Variants in NR1I2 observed in about 807,000 individuals in gnomAD.
NR1I2 encodes orphan nuclear receptor PAR1.
In NR1I2, 42 loss-of-function variants were observed where a neutral mutation model predicts 43.3. The ratio of observed to expected loss-of-function variants is 0.97; its 90% CI spans 0.76 to 1.26. NR1I2 has a LOEUF of 1.26. Among genes scored for constraint, NR1I2 ranks in the 50% most tolerant of loss-of-function variants. NR1I2 has a pLI of 0.00. For synonymous variants in NR1I2, 229 were observed against 215.0 expected (o/e 1.06, Z -0.57); for missense variants, 559 against 566.7 (o/e 0.99, Z 0.14).
intron 1 of NR1I2, among the ~76,000 whole-genome samples, chr3:119,799,278 TAATC>T (rs1359210615): frequency 1.3e-5 from 2 of 152,354 alleles, no homozygotes; most frequent in African/African-American, 2.4e-5. Flanking sequence ...CTTGCTCTAA[TAATC>T]AATATTCTTG....
chr3:119,809,382 C>G (rs1302069775), intron 2 of NR1I2, among the ~76,000 whole-genome samples: 3 of 152,044 alleles, frequency 2.0e-5, no homozygotes, highest in Non-Finnish European at 4.4e-5. Flanking sequence ...CCTGCACGCT[C>G]TGCTGTTCCA....
Position 119,817,893 on chromosome 3 carries a change from G to T in NR1I2, c.*681G>T. On this transcript the variant is annotated 3_prime_UTR_variant, in exon 9 of 9. Transcript: ENST00000393716. ...CACCGATAATAGGTAGCCTGCTGTG[G>T]GGTATACAGCATTGACTCAGATATA... 1 of 977,876 alleles carries T rather than the reference G, an allele frequency of 1.0e-6. No individual in the cohort carries two copies. The highest frequency in any genetic ancestry group is 1.2e-6 in the Non-Finnish European group (1 of 822,078). 60.6% of individuals were successfully genotyped at this position (977,876 alleles called of 1,614,324 possible).
rs376280736 is a variant in NR1I2, at chr3:119,817,280, G to C, written c.*68G>C. The stretch of plus-strand genomic sequence containing the variant: ...AGAGCCCTCTGAGCCGCCACTCCCG[G>C]GCCAAGACAGATGGACACTGCCAAG... On this transcript the variant is annotated 3_prime_UTR_variant, in exon 9 of 9. Transcript: ENST00000393716. 2 of 1,607,068 alleles carry C rather than the reference G, an allele frequency of 1.2e-6. No homozygotes were observed. The highest frequency in any genetic ancestry group is 2.2e-5 in the South Asian group (2 of 90,814).
At chr3:119,803,400 G>A (rs1251066783) in intron 1 of NR1I2, among the ~76,000 whole-genome samples, 1 of 151,604 alleles carries the variant, frequency 6.6e-6, no homozygotes, top group Non-Finnish European at 1.5e-5. Flanking sequence ...GACCCAAAGA[G>A]CTAGCTGGCT....
intron 2 of NR1I2, among the ~76,000 whole-genome samples, chr3:119,808,424 C>A (rs1392862996): frequency 1.3e-5 from 2 of 152,234 alleles, no homozygotes; most frequent in African/African-American, 4.8e-5. Flanking sequence ...CAGCCTATGC[C>A]TGAACTAGTC....
At position 119,807,246 on chromosome 3, in the gene NR1I2, C is replaced by T. The variant is rs867583249; in HGVS notation, c.-5C>T. The T allele has an allele frequency of 6.2e-7, 1 of 1,614,140 alleles. No individual in the cohort carries two copies. Among genetic ancestry groups the T allele is most frequent in the Middle Eastern group, 1.6e-4 (1 of 6,062 alleles). ...ATTTCTAGTCCAAGAGGCCCAGAAG[C>T]AAACCTGGAGGTGAGACCCAAAGAA... On this transcript the variant is annotated 5_prime_UTR_variant, in exon 2 of 9. Transcript: ENST00000393716.
chr3:119,795,845 C>T (rs1161297788), intron 1 of NR1I2, among the ~76,000 whole-genome samples: 1 of 152,212 alleles, frequency 6.6e-6, no homozygotes, highest in Non-Finnish European at 1.5e-5. Context: ...CATCACTAAA[C>T]TTCCCAACCT....
chr3:119,817,595 T>C lies in NR1I2; in HGVS notation c.*383T>C. 8.6e-7 allele frequency: 1 copy of C among 1,165,500 alleles called. No homozygotes were observed. The allele number at this position is 1,165,500 out of a possible 1,614,324, so 72.2% of individuals were successfully genotyped here. A position where few individuals can be genotyped will look rare whatever the true frequency, so the allele number is the denominator to read the frequency against. ...GCGACCAAGGATGGGCCATCTGGGG[T>C]CTATGCCCACATACCCACGTTTGTT... On this transcript the variant is annotated 3_prime_UTR_variant, in exon 9 of 9. Coordinates refer to ENST00000393716, the MANE Select transcript of NR1I2 (RefSeq NM_003889.4).
rs1577270761 is a variant in NR1I2 at position 119,792,142 on chromosome 3, C to G, written c.-23+9842C>G. On this transcript the variant is annotated intron_variant, in intron 1 of 8. Coordinates refer to ENST00000393716, the MANE Select transcript of NR1I2 (RefSeq NM_003889.4). ...ACTAGCCAGCTTCCTCGCATCTTCA[C>G]CAGGATCGGAGAAGACTATGATGAG... 3.6e-6 allele frequency: 3 copies of G among 840,860 alleles called. No homozygotes were observed. The East Asian group carries it at 7.3e-5, about 20-fold the overall frequency. The allele number at this position is 840,860 out of a possible 1,614,324, so 52.1% of individuals were successfully genotyped here.
chr3:119,787,615 T>C (rs2056530), intron 1 of NR1I2, among the ~76,000 whole-genome samples: 108,910 of 150,912 alleles, frequency 0.72, 41,960 homozygotes, highest in East Asian at 1. Context: ...TTCCCCTTAC[T>C]TGCTTTTTTC....
At chr3:119,814,793 C>G (rs780823644) in intron 5 of NR1I2, among the ~76,000 whole-genome samples, 186 bp from the exon 6 acceptor site, 22 of 152,140 alleles carry the variant, frequency 1.4e-4, no homozygotes, top group Non-Finnish European at 2.8e-4. Context: ...CGGGGCAGAG[C>G]TGTCTGCTGG....
At chr3:119,798,832 T>C (rs2055037257) in intron 1 of NR1I2, among the ~76,000 whole-genome samples, 2 of 152,206 alleles carry the variant, frequency 1.3e-5, no homozygotes, top group Admixed American at 1.3e-4. Context: ...CTTAGAATGT[T>C]TTCAAGGTTC....
intron 7 of NR1I2, 56 bp from the exon 8 acceptor site, chr3:119,815,670 C>G: frequency 6.8e-7 from 1 of 1,461,392 alleles, no homozygotes; most frequent in South Asian, 1.2e-5. Flanking sequence ...TGACTCTGGG[C>G]TGGACTGAGC....
At chr3:119,810,552 A>G in intron 3 of NR1I2, 1 of 288,718 alleles carries the variant, frequency 3.5e-6, no homozygotes, top group Non-Finnish European at 6.6e-6. Flanking sequence ...AATCTGGGGG[A>G]GGGAAGCAGG....
chr3:119,801,069 C>T (rs2055072913), intron 1 of NR1I2, among the ~76,000 whole-genome samples: 1 of 152,204 alleles, frequency 6.6e-6, no homozygotes, highest in Non-Finnish European at 1.5e-5. Context: ...AGGAGAGGGG[C>T]TGTGTGTGCT....
intron 1 of NR1I2, among the ~76,000 whole-genome samples, chr3:119,791,357 A>G (rs766775046): frequency 3.9e-5 from 6 of 152,166 alleles, no homozygotes; most frequent in Non-Finnish European, 5.9e-5. Context: ...ATTAACATCT[A>G]TGAGAGTCTC....
chr3:119,807,077 C>G, intron 1 of NR1I2, 152 bp from the exon 2 acceptor site: 2 of 705,786 alleles, frequency 2.8e-6, no homozygotes, highest in Non-Finnish European at 2.5e-6. Context: ...AATTCCAACC[C>G]CCATTCCCCG....
intron 1 of NR1I2, among the ~76,000 whole-genome samples, chr3:119,788,332 C>T (rs997894678): frequency 1.3e-5 from 2 of 151,872 alleles, no homozygotes; most frequent in African/African-American, 2.4e-5. Flanking sequence ...TGCCCAGGTT[C>T]ATCTGAAATT....
intron 1 of NR1I2, among the ~76,000 whole-genome samples, chr3:119,804,091 G>T (rs140928391): frequency 2.0e-3 from 304 of 149,198 alleles, no homozygotes; most frequent in African/African-American, 6.1e-3. Context: ...ACATTTAATG[G>T]CCAGGCACGG....
Sources: allele counts gnomAD v4.1 joint callset (sites outside exome capture counted in the v4.1 genomes callset), GRCh38; gene constraint gnomAD v4.1.1; transcripts MANE v1.5; gene names NCBI Gene and HGNC (gene_info 2026-07-23, HGNC 2026-07-21).